The following ATXN1 variants were observed in gnomAD, a reference collection of about 807,000 sequenced individuals.
ATXN1 encodes ataxin 1, also known as ataxin-1.
Under a neutral mutation model 56.4 loss-of-function variants are expected in ATXN1, and 8 were observed. That is an observed-to-expected ratio of 0.14 (90% CI 0.08 to 0.26). The LOEUF (loss-of-function observed/expected upper bound fraction) is 0.26, where lower values mean the gene tolerates loss of function less well. Ranked by LOEUF, ATXN1 falls within the 10% of genes least tolerant of loss-of-function variation. The pLI, the probability that ATXN1 is intolerant of heterozygous loss-of-function variation, is 1.00. For missense variants in ATXN1, 987 were observed against 1,106.5 expected (o/e 0.89, Z 1.53); for synonymous variants, 514 against 494.6 (o/e 1.04, Z -0.52).
At chr6:16,598,090 AC>A (rs1416993668) in intron 3 of ATXN1, among the ~76,000 whole-genome samples, 1 of 152,260 alleles carries the variant, frequency 6.6e-6, no homozygotes, top group Admixed American at 6.5e-5. Flanking sequence ...CATTATAAAA[AC>A]ATCACACTGT....
intron 6 of ATXN1, among the ~76,000 whole-genome samples, chr6:16,426,858 C>T (rs1439668278): frequency 2.1e-5 from 3 of 145,306 alleles, no homozygotes; most frequent in African/African-American, 7.6e-5. Flanking sequence ...ACTATAAGAT[C>T]CAAAAACTGG....
At chr6:16,471,285 C>G (rs577194601) in intron 6 of ATXN1, among the ~76,000 whole-genome samples, 3 of 152,082 alleles carry the variant, frequency 2.0e-5, no homozygotes, top group East Asian at 3.9e-4. Flanking sequence ...TAATTCCCAA[C>G]CATCACAATG....
intron 3 of ATXN1, among the ~76,000 whole-genome samples, chr6:16,596,075 C>A (rs1179553099): frequency 6.6e-6 from 1 of 152,204 alleles, no homozygotes; most frequent in Non-Finnish European, 1.5e-5. Flanking sequence ...TAGCTCACTG[C>A]AGCCTCTAAC....
chr6:16,398,515 A>G (rs1758499488), intron 6 of ATXN1, among the ~76,000 whole-genome samples: 2 of 152,244 alleles, frequency 1.3e-5, no homozygotes, highest in Admixed American at 6.5e-5. Flanking sequence ...GGGGGAAAAC[A>G]AACTATATAC....
intron 3 of ATXN1, among the ~76,000 whole-genome samples, chr6:16,593,694 A>G (rs947880129): frequency 6.6e-6 from 1 of 152,114 alleles, no homozygotes; most frequent in African/African-American, 2.4e-5. Context: ...TACTGTATAT[A>G]GTCTTTTGTG....
At chr6:16,549,691 A>G (rs1032923883) in intron 4 of ATXN1, among the ~76,000 whole-genome samples, 6 of 152,120 alleles carry the variant, frequency 3.9e-5, no homozygotes, top group African/African-American at 9.7e-5. Context: ...TGAGGCTGGG[A>G]GTTCGAGACC....
intron 6 of ATXN1, among the ~76,000 whole-genome samples, chr6:16,403,156 C>T (rs1581739178): frequency 6.6e-6 from 1 of 152,172 alleles, no homozygotes. Context: ...CTCAGAAAGA[C>T]TGGGACTCTG....
intron 4 of ATXN1, among the ~76,000 whole-genome samples, chr6:16,525,474 C>G (rs1197100317): frequency 6.6e-6 from 1 of 152,006 alleles, no homozygotes; most frequent in Non-Finnish European, 1.5e-5. Context: ...AAAAATCAAA[C>G]CTACTGAACT....
At chr6:16,491,588 C>T (rs1220104759) in intron 5 of ATXN1, among the ~76,000 whole-genome samples, 7 of 152,008 alleles carry the variant, frequency 4.6e-5, no homozygotes, top group East Asian at 3.9e-4. Flanking sequence ...TGAGCCATGG[C>T]GCCCGGCCTG....
At position 16,449,129 on chromosome 6, in the gene ATXN1, C is replaced by T. The variant is rs190801490; in HGVS notation, c.-161+36843G>A. 4.9e-4 allele frequency among the ~76,000 whole-genome samples: 75 copies of T among 151,898 alleles called. 1 individual carries two copies. The East Asian group carries it at 0.011, about 22-fold the overall frequency. ...TGTTTCTCAGGTAGAAAGGTTGTAG[C>T]GCTACCATTGCTTTTTTTAAACATA... On this transcript the variant is annotated intron_variant, in intron 6 of 7. Transcript: ENST00000436367.
At chr6:16,532,496 G>A (rs1031635821) in intron 4 of ATXN1, among the ~76,000 whole-genome samples, 4 of 152,112 alleles carry the variant, frequency 2.6e-5, no homozygotes, top group African/African-American at 7.2e-5. Flanking sequence ...ATCTAGGCAT[G>A]CAAGAAGACT....
chr6:16,405,373 C>T (rs1381847846), intron 6 of ATXN1, among the ~76,000 whole-genome samples: 1 of 152,144 alleles, frequency 6.6e-6, no homozygotes, highest in Non-Finnish European at 1.5e-5. Context: ...TCCTAAAGAC[C>T]TTTATTTAAA....
intron 3 of ATXN1, among the ~76,000 whole-genome samples, chr6:16,589,200 C>T (rs1762679812): frequency 6.6e-6 from 1 of 152,008 alleles, no homozygotes; most frequent in South Asian, 2.1e-4. Context: ...TTCTACAACC[C>T]CTGTACCTAT....
chr6:16,550,222 G>A (rs1412809915), intron 4 of ATXN1, among the ~76,000 whole-genome samples: 1 of 151,136 alleles, frequency 6.6e-6, no homozygotes, highest in African/African-American at 2.4e-5. Flanking sequence ...GTGGTCACTG[G>A]TTTTACATGG....
chr6:16,336,010 G>A (rs1156573069), intron 6 of ATXN1, among the ~76,000 whole-genome samples: 2 of 152,184 alleles, frequency 1.3e-5, no homozygotes, highest in Non-Finnish European at 2.9e-5. Flanking sequence ...ATATGTTTTG[G>A]TAATTTATTA....
intron 6 of ATXN1, among the ~76,000 whole-genome samples, chr6:16,470,888 A>G (rs548370685): frequency 1.6e-4 from 25 of 152,268 alleles, no homozygotes; most frequent in African/African-American, 5.5e-4. Context: ...GAAAAATGCA[A>G]TTATCCTAGC....
chr6:16,678,327 C>T (rs1758729058), intron 2 of ATXN1, among the ~76,000 whole-genome samples: 1 of 152,188 alleles, frequency 6.6e-6, no homozygotes, highest in African/African-American at 2.4e-5. Context: ...GCCAACTATT[C>T]AATATTTTCA....
intron 3 of ATXN1, among the ~76,000 whole-genome samples, chr6:16,622,622 T>C (rs1035083762): frequency 6.6e-6 from 1 of 152,220 alleles, no homozygotes; most frequent in Non-Finnish European, 1.5e-5. Flanking sequence ...ATTTCAGGAA[T>C]GTAAATTTTT....
chr6:16,643,308 C>G (rs1260790038), intron 3 of ATXN1, among the ~76,000 whole-genome samples: 1 of 150,822 alleles, frequency 6.6e-6, no homozygotes, highest in Non-Finnish European at 1.5e-5. Flanking sequence ...CTAAAAAATT[C>G]TGAACTCTTC....
Sources: gnomAD v4.1 joint callset for allele counts (sites outside exome capture counted in the v4.1 genomes callset) on GRCh38, gnomAD v4.1.1 for gene constraint, MANE v1.5 for transcripts, NCBI Gene and HGNC (gene_info 2026-07-23, HGNC 2026-07-21) for gene names.